The following OXR1 variants were observed in gnomAD, a reference collection of about 807,000 sequenced individuals.
OXR1 encodes the protein oxidation resistance 1, also known as oxidation resistance protein 1.
Under a neutral mutation model 104.6 loss-of-function variants are expected in OXR1, and 41 were observed. The ratio of observed to expected loss-of-function variants is 0.39; its 90% CI spans 0.31 to 0.51. OXR1 has a LOEUF of 0.51. Ranked by LOEUF, OXR1 falls within the 20% of genes least tolerant of loss-of-function variation. The probability of loss-of-function intolerance (pLI) is 0.77; values close to 1 mark genes in which losing one functional copy is unlikely to be tolerated. For missense variants in OXR1, 955 were observed against 1,031.9 expected (o/e 0.93, Z 1.02); for synonymous variants, 348 against 348.4 (o/e 1.00, Z 0.01).
At chr8:106,276,843 T>C (rs538357115) in intron 1 of OXR1, among the ~76,000 whole-genome samples, 1 of 152,134 alleles carries the variant, frequency 6.6e-6, no homozygotes, top group East Asian at 1.9e-4. Flanking sequence ...TTAAACGCCT[T>C]TTTATTTTTT....
At chr8:106,711,484 C>A (rs569578046) in intron 10 of OXR1, among the ~76,000 whole-genome samples, 1 of 152,154 alleles carries the variant, frequency 6.6e-6, no homozygotes, top group East Asian at 1.9e-4. Flanking sequence ...TATTTTTATC[C>A]CCATTATAGT....
intron 11 of OXR1, among the ~76,000 whole-genome samples, chr8:106,731,685 A>G (rs1833907414): frequency 6.6e-6 from 1 of 152,176 alleles, no homozygotes; most frequent in Non-Finnish European, 1.5e-5. Context: ...CTTTGTTAAA[A>G]GTCAGTTGAC....
At chr8:106,372,408 T>C (rs75656526) in intron 2 of OXR1, among the ~76,000 whole-genome samples, 13,879 of 134,952 alleles carry the variant, frequency 0.1, 691 homozygotes, top group Middle Eastern at 0.15. Context: ...GCTTATTATG[T>C]TTTTTTTTTT....
At chr8:106,459,084 A>G (rs1820767042) in intron 2 of OXR1, among the ~76,000 whole-genome samples, 1 of 152,098 alleles carries the variant, frequency 6.6e-6, no homozygotes, top group Non-Finnish European at 1.5e-5. Flanking sequence ...CACTGTTAGA[A>G]GGACATAAAT....
At chr8:106,698,087 T>C (rs1830240106) in intron 7 of OXR1, 2 of 955,442 alleles carry the variant, frequency 2.1e-6, no homozygotes, top group Non-Finnish European at 3.3e-6. Context: ...AGGCAATGGC[T>C]GCAGCTGCCG....
chr8:106,336,690 C>T (rs1262219136), intron 1 of OXR1, among the ~76,000 whole-genome samples: 2 of 152,204 alleles, frequency 1.3e-5, no homozygotes, highest in African/African-American at 4.8e-5. Flanking sequence ...CAGATATTGA[C>T]TTCAGCTTTC....
chr8:106,495,606 C>G (rs1008521440), intron 2 of OXR1, among the ~76,000 whole-genome samples: 5 of 152,076 alleles, frequency 3.3e-5, no homozygotes, highest in Non-Finnish European at 7.4e-5. Context: ...TGCTGTGTAT[C>G]CTGGGGTAAG....
intron 3 of OXR1, among the ~76,000 whole-genome samples, chr8:106,578,314 G>T (rs965226633): frequency 6.6e-6 from 1 of 152,056 alleles, no homozygotes; most frequent in Non-Finnish European, 1.5e-5. Context: ...TCATCAACTT[G>T]ATACCTCCAT....
intron 15 of OXR1, 27 bp downstream of exon 15, chr8:106,742,344 T>C (rs372297985): frequency 6.2e-5 from 87 of 1,409,190 alleles, no homozygotes; most frequent in Admixed American, 1.2e-4. Flanking sequence ...CAATATTTTA[T>C]TTATAAAGAG....
At chr8:106,697,943 C>T in intron 7 of OXR1, 1 of 1,612,480 alleles carries the variant, frequency 6.2e-7, no homozygotes, top group Non-Finnish European at 8.5e-7. Context: ...TCCAGATCTG[C>T]ATCATACTGT....
chr8:106,639,857 A>T (rs1823481801), intron 3 of OXR1, among the ~76,000 whole-genome samples: 1 of 152,204 alleles, frequency 6.6e-6, no homozygotes, highest in Non-Finnish European at 1.5e-5. Flanking sequence ...AGGTCATGTT[A>T]ATGTAGACAA....
At chr8:106,703,599 A>G (rs1830789291) in intron 8 of OXR1, among the ~76,000 whole-genome samples, 1 of 152,052 alleles carries the variant, frequency 6.6e-6, no homozygotes, top group South Asian at 2.1e-4. Context: ...AGGGAAGAAA[A>G]CCCACAACTT....
intron 3 of OXR1, among the ~76,000 whole-genome samples, chr8:106,663,549 G>A (rs1282306219): frequency 3.3e-5 from 5 of 152,144 alleles, no homozygotes; most frequent in African/African-American, 1.2e-4. Context: ...TTAGATGATG[G>A]TTTATCTTGA....
intron 2 of OXR1, among the ~76,000 whole-genome samples, chr8:106,410,631 A>C (rs564406386): frequency 6.6e-6 from 1 of 152,152 alleles, no homozygotes; most frequent in Non-Finnish European, 1.5e-5. Context: ...CCAAGAGAAT[A>C]GTCAAAAATC....
At chr8:106,688,994 G>C (rs1318350004) in intron 6 of OXR1, among the ~76,000 whole-genome samples, 1 of 151,946 alleles carries the variant, frequency 6.6e-6, no homozygotes, top group Non-Finnish European at 1.5e-5. Flanking sequence ...ATTTTTGCTT[G>C]GCCAAAGCAA....
At chr8:106,606,202 T>TA (rs1212973537) in intron 3 of OXR1, among the ~76,000 whole-genome samples, 2 of 152,150 alleles carry the variant, frequency 1.3e-5, no homozygotes, top group Non-Finnish European at 2.9e-5. Flanking sequence ...AGAGGCCCCC[T>TA]ACTTTCCCTG....
chr8:106,469,211 C>A (rs1431662017), intron 2 of OXR1, among the ~76,000 whole-genome samples: 1 of 151,814 alleles, frequency 6.6e-6, no homozygotes, highest in African/African-American at 2.4e-5. Flanking sequence ...CCCTCCCTCC[C>A]TTCTTGCCTA....
At chr8:106,469,638 G>T (rs540020389) in intron 2 of OXR1, among the ~76,000 whole-genome samples, 1 of 151,972 alleles carries the variant, frequency 6.6e-6, no homozygotes, top group African/African-American at 2.4e-5. Context: ...AAGTAAATGG[G>T]CAGCTTGTGA....
chr8:106,368,562 C>A (rs192514320), intron 2 of OXR1, among the ~76,000 whole-genome samples: 2 of 152,132 alleles, frequency 1.3e-5, no homozygotes, highest in African/African-American at 4.8e-5. Context: ...ACCCCCACCC[C>A]CCAACAGGCC....
Sources: gnomAD v4.1 joint callset for allele counts (sites outside exome capture counted in the v4.1 genomes callset) on GRCh38, gnomAD v4.1.1 for gene constraint, MANE v1.5 for transcripts, NCBI Gene and HGNC (gene_info 2026-07-23, HGNC 2026-07-21) for gene names.